Variants in API5 observed in about 807,000 individuals in gnomAD.
API5 encodes FIF.
A neutral mutation model predicts 71.9 loss-of-function variants in API5; 6 were observed. The observed-to-expected ratio is 0.08, with a 90% CI of 0.05 to 0.16. The LOEUF (loss-of-function observed/expected upper bound fraction) is 0.16, where lower values mean the gene tolerates loss of function less well. Ranked by LOEUF, API5 falls within the 10% of genes least tolerant of loss-of-function variation. API5 has a pLI of 1.00. For missense variants in API5, 332 were observed against 612.8 expected (o/e 0.54, Z 4.84); for synonymous variants, 189 against 221.3 (o/e 0.85, Z 1.30).
At position 43,312,176 on chromosome 11, in the gene API5, G is replaced by A; in HGVS notation, c.49G>A (p.Ala17Thr). ...LYRNYGILADATEQVGQHKDA... is the reference protein window; with the variant it reads ...LYRNYGILADTTEQVGQHKDA... ...CCGCAATTATGGCATCCTGGCCGAT[G>A]CCACGGAGCAAGTGGGCCAGGTGAG... is the stretch of plus-strand genomic sequence containing the variant. The change falls in exon 1 of 14, where the codon GCC becomes ACC. Residue 17 changes from alanine to threonine, a missense_variant. Ala to Thr is a moderately conservative substitution (Grantham distance 58). Transcript: ENST00000531273. 1 of 1,613,976 alleles carries A rather than the reference G, an allele frequency of 6.2e-7. No homozygotes were observed. Among genetic ancestry groups the A allele is most frequent in the East Asian group, 2.2e-5 (1 of 44,870 alleles).
In API5 at chr11:43,324,749, C is replaced by T. The variant is rs570440090; in HGVS notation, c.750+1113C>T. On this transcript the variant is annotated intron_variant, in intron 6 of 13. Coordinates refer to ENST00000531273, the MANE Select transcript of API5 (RefSeq NM_001142930.2). The stretch of plus-strand genomic sequence containing the variant: ...CTGGAGTGCAGTGGCATGATCTTGG[C>T]TGACTGCAACCTCCACCTCCCAGAT... Among the ~76,000 whole-genome samples the T allele has an allele frequency of 6.9e-4, 105 of 152,234 alleles. 1 individual carries two copies. Among genetic ancestry groups the T allele is most frequent in the South Asian group, 2.1e-3 (10 of 4,820 alleles).
Position 43,312,783 on chromosome 11 carries a change from T to C in API5, c.69+587T>C, listed in dbSNP as rs529918847. 1.2e-3 allele frequency among the ~76,000 whole-genome samples: 188 copies of C among 152,182 alleles called. 1 individual carries two copies. The highest frequency in any genetic ancestry group is 2.3e-3 in the Non-Finnish European group (156 of 67,988). Reference sequence around the variant, plus strand: ...TGGAAAGGTCCGCGCTCTCCCAGAATGTACAGTTAGGAGGGAGTGTAGTAA... The same window carrying C: ...TGGAAAGGTCCGCGCTCTCCCAGAACGTACAGTTAGGAGGGAGTGTAGTAA... On this transcript the variant is annotated intron_variant, in intron 1 of 13. Coordinates refer to ENST00000531273, the MANE Select transcript of API5 (RefSeq NM_001142930.2).
intron 1 of API5, among the ~76,000 whole-genome samples, chr11:43,313,257 G>T (rs1355258682): frequency 6.6e-6 from 1 of 152,146 alleles, no homozygotes; most frequent in Non-Finnish European, 1.5e-5. Flanking sequence ...GCTTGCCCCC[G>T]ATACACAGTT....
Position 43,328,716 on chromosome 11 carries a change from A to G in API5, c.950A>G (p.Tyr317Cys). Reference sequence around the variant, plus strand: ...CTGTATATTTTTCTCTCTTAGGAATACATGCCCCTCCCTCCAGAAGAGGCA... The same window carrying G: ...CTGTATATTTTTCTCTCTTAGGAATGCATGCCCCTCCCTCCAGAAGAGGCA... ...LRKLFDKLLEYMPLPPEEAEN... is the reference protein window; with the variant it reads ...LRKLFDKLLECMPLPPEEAEN... The change falls in exon 9 of 14, where the codon TAC becomes TGC. Residue 317 changes from tyrosine to cysteine, a missense_variant. By Grantham distance (194) the Tyr-to-Cys change is radical (BLOSUM62 -2). Transcript: ENST00000531273. 7 of 1,613,388 alleles carry G rather than the reference A, an allele frequency of 4.3e-6. No individual in the cohort carries two copies. Among genetic ancestry groups the G allele is most frequent in the Non-Finnish European group, 5.9e-6 (7 of 1,179,462 alleles).
In API5 at chr11:43,323,973, G is replaced by C. The variant is rs563843340; in HGVS notation, c.750+337G>C. Among the ~76,000 whole-genome samples the C allele has an allele frequency of 2.0e-5, 3 of 152,282 alleles. No individual in the cohort carries two copies. In the South Asian group the frequency reaches 6.2e-4, roughly 32 times the overall value. On this transcript the variant is annotated intron_variant, in intron 6 of 13. Transcript: ENST00000531273. ...GTCTGTGTTTATGAAGGCCACAGTG[G>C]TGTTGGTGAGAACCCAAAGCAGCAA...
chr11:43,313,353 G>A (rs771183797), intron 1 of API5, among the ~76,000 whole-genome samples: 6 of 152,118 alleles, frequency 3.9e-5, no homozygotes, highest in Non-Finnish European at 5.9e-5. Flanking sequence ...TTGATAAGTG[G>A]TTGGGTATGT....
At chr11:43,317,213 C>G (rs1362021651) in intron 1 of API5, among the ~76,000 whole-genome samples, 2 of 152,086 alleles carry the variant, frequency 1.3e-5, no homozygotes, top group African/African-American at 4.8e-5. Flanking sequence ...AAGTTTTATT[C>G]ATATGTCCAA....
At chr11:43,340,609 A>G (rs1331348701) in intron 13 of API5, among the ~76,000 whole-genome samples, 1 of 152,186 alleles carries the variant, frequency 6.6e-6, no homozygotes, top group African/African-American at 2.4e-5. Flanking sequence ...CAGAACAGAG[A>G]ACCAGAAATT....
At chr11:43,316,489 A>C (rs1325986140) in intron 1 of API5, among the ~76,000 whole-genome samples, 1 of 152,146 alleles carries the variant, frequency 6.6e-6, no homozygotes, top group Non-Finnish European at 1.5e-5. Flanking sequence ...GATACCCTGC[A>C]AAAAGTAAGG....
chr11:43,329,115 G>C, intron 9 of API5: 1 of 488,542 alleles, frequency 2.0e-6, no homozygotes, highest in East Asian at 3.3e-5. Context: ...GCCAAGGCAG[G>C]AGGGTTGCTT....
At chr11:43,315,216 G>A (rs1854629516) in intron 1 of API5, among the ~76,000 whole-genome samples, 1 of 152,078 alleles carries the variant, frequency 6.6e-6, no homozygotes, top group Admixed American at 6.6e-5. Flanking sequence ...ATATATAAGG[G>A]TAAACTTACA....
chr11:43,320,932 T>G lies in API5; in HGVS notation c.325+18T>G. ...GCAGACAGGTAAGGGATTTTATTAT[T>G]ACCTTTTTCTCTAAATATATATCTT... On this transcript the variant is annotated intron_variant, in intron 3 of 13. Transcript: ENST00000531273. The G allele has an allele frequency of 1.3e-6, 2 of 1,565,992 alleles. No homozygotes were observed. Among genetic ancestry groups the G allele is most frequent in the Non-Finnish European group, 1.8e-6 (2 of 1,139,098 alleles).
At chr11:43,312,248 G>A (rs768270569) in intron 1 of API5, 52 bp downstream of exon 1, 1 of 1,579,486 alleles carries the variant, frequency 6.3e-7, no homozygotes, top group Non-Finnish European at 8.7e-7. Flanking sequence ...GCGGCCTTTC[G>A]AAAGCGCTTC....
chr11:43,336,382 T>C (rs1403856219), intron 13 of API5, among the ~76,000 whole-genome samples: 1 of 152,200 alleles, frequency 6.6e-6, no homozygotes, highest in Admixed American at 6.5e-5. Flanking sequence ...TAAATGCTCT[T>C]TCTTGGACAT....
At chr11:43,325,340 A>G (rs924751213) in intron 6 of API5, among the ~76,000 whole-genome samples, 1 of 152,210 alleles carries the variant, frequency 6.6e-6, no homozygotes, top group African/African-American at 2.4e-5. Context: ...CTTTATGAAA[A>G]GTTTATGGAG....
chr11:43,332,726 T>C (rs1044874134), intron 11 of API5, among the ~76,000 whole-genome samples: 3 of 152,180 alleles, frequency 2.0e-5, no homozygotes, highest in African/African-American at 7.2e-5. Flanking sequence ...TCAGTTTTTA[T>C]GGAGGCTCCA....
chr11:43,328,088 A>G (rs553670659), intron 8 of API5, among the ~76,000 whole-genome samples: 5 of 152,310 alleles, frequency 3.3e-5, no homozygotes, highest in African/African-American at 1.2e-4. Context: ...AGGCCATCTG[A>G]TAAAATCATT....
intron 4 of API5, 48 bp downstream of exon 4, chr11:43,321,524 A>G: frequency 7.1e-7 from 1 of 1,410,146 alleles, no homozygotes; most frequent in Non-Finnish European, 1.0e-6. Context: ...TTACAGAATC[A>G]CAAAGTTAGG....
chr11:43,320,751 A>T, intron 2 of API5, 70 bp from the exon 3 acceptor site: 1 of 1,307,240 alleles, frequency 7.6e-7, no homozygotes, highest in Non-Finnish European at 1.1e-6. Flanking sequence ...AAAAAGAAAG[A>T]AAAGAAAAAG....
Sources: gnomAD v4.1 joint callset for allele counts (sites outside exome capture counted in the v4.1 genomes callset) on GRCh38, gnomAD v4.1.1 for gene constraint, MANE v1.5 for transcripts, NCBI Gene and HGNC (gene_info 2026-07-23, HGNC 2026-07-21) for gene names.